The following QKI variants were observed in gnomAD, a reference collection of about 807,000 sequenced individuals.
QKI encodes KH domain-containing RNA-binding protein QKI.
A neutral mutation model predicts 39.0 loss-of-function variants in QKI; 10 were observed. That is an observed-to-expected ratio of 0.26 (90% CI 0.16 to 0.43). The LOEUF is 0.43. Among genes scored for constraint, QKI ranks in the 20% least tolerant of loss-of-function variants. The probability of loss-of-function intolerance (pLI) is 1.00; values close to 1 mark genes in which losing one functional copy is unlikely to be tolerated. For synonymous variants in QKI, 204 were observed against 155.4 expected (o/e 1.31, Z -2.33); for missense variants, 218 against 428.0 (o/e 0.51, Z 4.33).
At position 163,541,669 on chromosome 6, in the gene QKI, G is replaced by A. The variant is rs558342755; in HGVS notation, c.546+6544G>A. Among the ~76,000 whole-genome samples the A allele has an allele frequency of 2.7e-4, 41 of 151,992 alleles. No homozygotes were observed. In the South Asian group the frequency reaches 6.0e-3, roughly 22 times the overall value. ...GCATGCATATCTATGTATGTAATCCGTCTATTATAGCTTATACAACCTGTA... is the reference window on the plus strand; with the variant it reads ...GCATGCATATCTATGTATGTAATCCATCTATTATAGCTTATACAACCTGTA... On this transcript the variant is annotated intron_variant, in intron 4 of 7. Transcript: ENST00000361752.
At chr6:163,436,912 A>C (rs1789343324) in intron 1 of QKI, among the ~76,000 whole-genome samples, 1 of 152,076 alleles carries the variant, frequency 6.6e-6, no homozygotes. Flanking sequence ...TAAGAGCCTG[A>C]CTTTTTGGAG....
chr6:163,520,852 A>T (rs1391119272), intron 3 of QKI, among the ~76,000 whole-genome samples: 1 of 152,226 alleles, frequency 6.6e-6, no homozygotes, highest in Non-Finnish European at 1.5e-5. Context: ...ATGAAGGGTT[A>T]TGAGAAATAT....
chr6:163,498,263 G>C (rs532330236), intron 3 of QKI, among the ~76,000 whole-genome samples: 1 of 150,150 alleles, frequency 6.7e-6, no homozygotes, highest in African/African-American at 2.4e-5. Context: ...TAACAAATTT[G>C]CACAATTGTA....
intron 4 of QKI, among the ~76,000 whole-genome samples, chr6:163,536,221 A>G (rs1207734597): frequency 1.3e-5 from 2 of 152,170 alleles, no homozygotes; most frequent in Non-Finnish European, 2.9e-5. Context: ...TTTGTGTACT[A>G]TTAAACCATG....
At chr6:163,478,973 G>A in intron 3 of QKI, 77 bp downstream of exon 3, 1 of 1,282,502 alleles carries the variant, frequency 7.8e-7, no homozygotes, top group Non-Finnish European at 1.1e-6. Flanking sequence ...AAAATTTCCA[G>A]ATTTTTTTGT....
chr6:163,444,555 A>ATT (rs1790003253), intron 1 of QKI, among the ~76,000 whole-genome samples: 5 of 151,524 alleles, frequency 3.3e-5, no homozygotes, highest in Admixed American at 2.6e-4. Flanking sequence ...AGAAAATCTA[A>ATT]AACGTATAGA....
At chr6:163,567,571 T>G in intron 7 of QKI, 2 of 983,618 alleles carry the variant, frequency 2.0e-6, no homozygotes, top group Non-Finnish European at 2.4e-6. Context: ...TTCATTTTTC[T>G]CCTTTACAAC....
intron 1 of QKI, among the ~76,000 whole-genome samples, chr6:163,438,855 C>T (rs1789511576): frequency 6.6e-6 from 1 of 151,766 alleles, no homozygotes; most frequent in Non-Finnish European, 1.5e-5. Context: ...AATAAATTAA[C>T]CTTAACATAC....
At chr6:163,443,849 A>G (rs991128257) in intron 1 of QKI, among the ~76,000 whole-genome samples, 7 of 152,202 alleles carry the variant, frequency 4.6e-5, no homozygotes, top group African/African-American at 1.7e-4. Flanking sequence ...GGAAAAAGCA[A>G]TTTACCCCTA....
At chr6:163,529,930 A>G (rs1222007121) in intron 3 of QKI, among the ~76,000 whole-genome samples, 7 of 152,326 alleles carry the variant, frequency 4.6e-5, no homozygotes, top group Middle Eastern at 6.8e-3. Context: ...TGGAGTTCAG[A>G]CTGCTTTAGA....
At chr6:163,512,543 C>A (rs906718711) in intron 3 of QKI, among the ~76,000 whole-genome samples, 3 of 151,996 alleles carry the variant, frequency 2.0e-5, no homozygotes, top group African/African-American at 7.2e-5. Context: ...GCTCAGAAGT[C>A]CACAGTCATA....
intron 7 of QKI, chr6:163,569,603 G>A: frequency 9.8e-7 from 1 of 1,021,548 alleles, no homozygotes. Flanking sequence ...AAGGACATTG[G>A]GAATGATAAC....
intron 3 of QKI, among the ~76,000 whole-genome samples, chr6:163,533,090 A>G (rs1263885819): frequency 6.6e-6 from 1 of 152,016 alleles, no homozygotes; most frequent in East Asian, 1.9e-4. Flanking sequence ...GTGCACTTTT[A>G]GGCCCACCAA....
At chr6:163,554,512 A>G (rs1378447432) in intron 4 of QKI, among the ~76,000 whole-genome samples, 3 of 152,224 alleles carry the variant, frequency 2.0e-5, no homozygotes, top group African/African-American at 7.2e-5. Flanking sequence ...GCTGTATAGG[A>G]TAAGTTGGAA....
chr6:163,442,811 T>A (rs908823925), intron 1 of QKI, among the ~76,000 whole-genome samples: 137 of 152,306 alleles, frequency 9.0e-4, no homozygotes, highest in African/African-American at 3.1e-3. Flanking sequence ...GAATGTCCAT[T>A]ACCAGGGTTT....
chr6:163,441,315 A>G (rs1001603380), intron 1 of QKI, among the ~76,000 whole-genome samples: 1 of 152,204 alleles, frequency 6.6e-6, no homozygotes, highest in African/African-American at 2.4e-5. Context: ...GTGCATTTAT[A>G]TTACTTTAAA....
intron 1 of QKI, among the ~76,000 whole-genome samples, chr6:163,450,672 C>A (rs748951863): frequency 6.6e-6 from 1 of 151,378 alleles, no homozygotes; most frequent in Non-Finnish European, 1.5e-5. Flanking sequence ...AGAAATGTGA[C>A]GAGGCAGTAA....
chr6:163,567,881 A>G (rs1484774998), intron 7 of QKI: 2 of 985,554 alleles, frequency 2.0e-6, no homozygotes, highest in Non-Finnish European at 2.4e-6. Context: ...GCTTTATGTG[A>G]TTACCTTGAG....
At chr6:163,461,858 T>C (rs1186258553) in intron 2 of QKI, among the ~76,000 whole-genome samples, 1 of 152,210 alleles carries the variant, frequency 6.6e-6, no homozygotes, top group East Asian at 1.9e-4. Flanking sequence ...TGAAATGGGC[T>C]ATGAAGCAGT....
Sources: allele counts gnomAD v4.1 joint callset (sites outside exome capture counted in the v4.1 genomes callset), GRCh38; gene constraint gnomAD v4.1.1; transcripts MANE v1.5; gene names NCBI Gene and HGNC (gene_info 2026-07-23, HGNC 2026-07-21).